Variants in CTNNA3 observed in about 807,000 individuals in gnomAD.
CTNNA3 encodes the protein catenin alpha-3.
A neutral mutation model predicts 95.7 loss-of-function variants in CTNNA3; 76 were observed. The observed-to-expected ratio is 0.79, with a 90% CI of 0.66 to 0.96. The LOEUF (loss-of-function observed/expected upper bound fraction) is 0.96. Among genes scored for constraint, CTNNA3 ranks in the 40% least tolerant of loss-of-function variants. CTNNA3 has a pLI of 0.00. For synonymous variants in CTNNA3, 431 were observed against 374.4 expected, an observed-to-expected ratio of 1.15 and a Z score of -1.74; for missense variants, 1,191 against 1,089.8, an observed-to-expected ratio of 1.09 and a Z score of -1.31.
chr10:67,423,405 CT>C (rs1845815443), intron 5 of CTNNA3, among the ~76,000 whole-genome samples: 1 of 152,052 alleles, frequency 6.6e-6, no homozygotes, highest in Non-Finnish European at 1.5e-5. Context: ...TAATTATCAG[CT>C]AATAAAAAGA....
chr10:66,675,262 T>G (rs1167188593), intron 9 of CTNNA3, among the ~76,000 whole-genome samples: 1 of 151,976 alleles, frequency 6.6e-6, no homozygotes, highest in Non-Finnish European at 1.5e-5. Flanking sequence ...TTAAATAAAT[T>G]ACTGAAAGAG....
intron 5 of CTNNA3, among the ~76,000 whole-genome samples, chr10:67,279,154 A>G (rs917455281): frequency 6.6e-6 from 1 of 152,178 alleles, no homozygotes; most frequent in Non-Finnish European, 1.5e-5. Context: ...CCCCAAATAC[A>G]TCGAGTCAGT....
At chr10:67,733,624 T>C (rs1164889872) in intron 1 of CTNNA3, among the ~76,000 whole-genome samples, 1 of 152,218 alleles carries the variant, frequency 6.6e-6, no homozygotes, top group Non-Finnish European at 1.5e-5. Context: ...TTTAGCAACA[T>C]CTTTCATTAC....
chr10:66,012,897 A>G (rs1195006197), intron 15 of CTNNA3, among the ~76,000 whole-genome samples: 2 of 152,170 alleles, frequency 1.3e-5, no homozygotes, highest in African/African-American at 4.8e-5. Context: ...CTGGAACAAC[A>G]CAGAATCCAC....
chr10:67,188,339 A>AT (rs1862961034), intron 6 of CTNNA3, among the ~76,000 whole-genome samples: 1 of 152,126 alleles, frequency 6.6e-6, no homozygotes. Context: ...TACAAAAAAT[A>AT]TAAAAGTTAG....
chr10:66,362,456 A>G (rs2092683241), intron 12 of CTNNA3, among the ~76,000 whole-genome samples: 1 of 151,304 alleles, frequency 6.6e-6, no homozygotes, highest in Admixed American at 6.6e-5. Context: ...CATGCCTGTA[A>G]TCCCAGCACT....
At chr10:67,405,360 C>A (rs911863244) in intron 5 of CTNNA3, among the ~76,000 whole-genome samples, 1 of 151,976 alleles carries the variant, frequency 6.6e-6, no homozygotes, top group Non-Finnish European at 1.5e-5. Flanking sequence ...ATTTACCAAC[C>A]AAATAGAAAA....
chr10:66,295,104 A>G (rs960481789), intron 12 of CTNNA3, among the ~76,000 whole-genome samples: 4 of 152,232 alleles, frequency 2.6e-5, no homozygotes, highest in Non-Finnish European at 5.9e-5. Context: ...GACACCTGTC[A>G]TGTTACAGGA....
chr10:66,945,893 TATTG>T (rs1380112884), intron 7 of CTNNA3, among the ~76,000 whole-genome samples: 4 of 152,216 alleles, frequency 2.6e-5, no homozygotes, highest in Admixed American at 2.0e-4. Flanking sequence ...AGGACATATT[TATTG>T]ATTAAGTTTG....
At chr10:66,938,893 C>T (rs763644721) in intron 7 of CTNNA3, among the ~76,000 whole-genome samples, 4 of 152,100 alleles carry the variant, frequency 2.6e-5, no homozygotes, top group Admixed American at 6.6e-5. Context: ...AGGTAGTCAA[C>T]GTTTGTTTAA....
chr10:65,991,871 TG>T (rs1331353954), intron 15 of CTNNA3, among the ~76,000 whole-genome samples: 1 of 152,122 alleles, frequency 6.6e-6, no homozygotes, highest in African/African-American at 2.4e-5. Context: ...ATCAGTATGA[TG>T]TTAGCTGTGA....
At chr10:66,370,460 C>T (rs910554526) in intron 12 of CTNNA3, among the ~76,000 whole-genome samples, 1 of 152,166 alleles carries the variant, frequency 6.6e-6, no homozygotes, top group Non-Finnish European at 1.5e-5. Context: ...AAACATTTTA[C>T]AGTAATTATC....
intron 9 of CTNNA3, among the ~76,000 whole-genome samples, chr10:66,717,424 T>C (rs1848487696): frequency 1.3e-5 from 2 of 152,170 alleles, no homozygotes; most frequent in African/African-American, 4.8e-5. Context: ...ATTATAATCA[T>C]AGGTTTCAAA....
At chr10:67,170,402 C>T (rs1816400677) in intron 7 of CTNNA3, among the ~76,000 whole-genome samples, 1 of 152,056 alleles carries the variant, frequency 6.6e-6, no homozygotes, top group African/African-American at 2.4e-5. Context: ...ATGAAGAAAA[C>T]AAGGCACATA....
intron 5 of CTNNA3, among the ~76,000 whole-genome samples, chr10:67,289,907 T>C (rs10823017): frequency 0.2 from 30,962 of 151,762 alleles, 4,040 homozygotes; most frequent in South Asian, 0.38. Flanking sequence ...TCAAGGGATC[T>C]TCCCACCTCA....
At chr10:67,758,742 C>T (rs1405267724) in intron 1 of CTNNA3, among the ~76,000 whole-genome samples, 1 of 144,566 alleles carries the variant, frequency 6.9e-6, no homozygotes, top group Non-Finnish European at 1.5e-5. Flanking sequence ...TCTTAATAAG[C>T]TTATTCTGCC....
chr10:66,945,737 G>C (rs992402873), intron 7 of CTNNA3, among the ~76,000 whole-genome samples: 1 of 152,152 alleles, frequency 6.6e-6, no homozygotes, highest in Non-Finnish European at 1.5e-5. Context: ...TTTCAAGTGA[G>C]ATAAATGTGA....
chr10:66,177,618 G>T (rs866561561), intron 13 of CTNNA3, among the ~76,000 whole-genome samples: 1 of 151,886 alleles, frequency 6.6e-6, no homozygotes, highest in Admixed American at 6.6e-5. Context: ...GAATTTTACC[G>T]TTCTAATTAC....
chr10:66,879,236 C>G (rs1844750935), intron 7 of CTNNA3, among the ~76,000 whole-genome samples: 1 of 152,070 alleles, frequency 6.6e-6, no homozygotes, highest in African/African-American at 2.4e-5. Context: ...ACAGCACCAA[C>G]ATTTACTACT....
Sources: gnomAD v4.1 joint callset for allele counts (sites outside exome capture counted in the v4.1 genomes callset) on GRCh38, gnomAD v4.1.1 for gene constraint, MANE v1.5 for transcripts, NCBI Gene and HGNC (gene_info 2026-07-23, HGNC 2026-07-21) for gene names.